The following LRP1B variants were observed in gnomAD, a reference collection of about 807,000 sequenced individuals.
LRP1B encodes low-density lipoprotein receptor-related protein 1B.
LRP1B carries 217 observed loss-of-function variants against 556.6 expected under a neutral mutation model. The ratio of observed to expected loss-of-function variants is 0.39; its 90% CI spans 0.35 to 0.44. The LOEUF (loss-of-function observed/expected upper bound fraction) is 0.44, where lower values mean the gene tolerates loss of function less well. Among genes scored for constraint, LRP1B ranks in the 20% least tolerant of loss-of-function variants. The pLI, the probability that LRP1B is intolerant of heterozygous loss-of-function variation, is 1.00. For missense variants in LRP1B, 5,053 were observed against 5,620.8 expected (o/e 0.90, Z 3.23); for synonymous variants, 2,047 against 1,865.8 (o/e 1.10, Z -2.50).
chr2:141,778,404 G>C (rs1195087872), intron 2 of LRP1B, among the ~76,000 whole-genome samples: 1 of 152,180 alleles, frequency 6.6e-6, no homozygotes, highest in African/African-American at 2.4e-5. Flanking sequence ...ACTCAAAATA[G>C]TCCTATTTAT....
chr2:140,734,729 C>T (rs182829364), intron 35 of LRP1B, among the ~76,000 whole-genome samples: 5 of 124,626 alleles, frequency 4.0e-5, no homozygotes, highest in African/African-American at 1.5e-4. Flanking sequence ...AGGCTGCTCT[C>T]AGCTAATGAC....
At chr2:140,843,339 C>T (rs1692179774) in intron 29 of LRP1B, among the ~76,000 whole-genome samples, 1 of 151,970 alleles carries the variant, frequency 6.6e-6, no homozygotes, top group African/African-American at 2.4e-5. Context: ...GCATTTCCTC[C>T]TCTAAGCAAT....
At chr2:141,048,290 G>A (rs1446437031) in intron 11 of LRP1B, among the ~76,000 whole-genome samples, 1 of 151,956 alleles carries the variant, frequency 6.6e-6, no homozygotes, top group Non-Finnish European at 1.5e-5. Flanking sequence ...GATCTGGTTT[G>A]ATTTATTATT....
chr2:141,310,752 TAGAA>T (rs1349346929), intron 3 of LRP1B, among the ~76,000 whole-genome samples: 2 of 152,136 alleles, frequency 1.3e-5, no homozygotes, highest in Admixed American at 6.5e-5. Flanking sequence ...CGATGCAAAT[TAGAA>T]AGAGATATAT....
At chr2:141,778,286 C>A (rs1000333860) in intron 2 of LRP1B, among the ~76,000 whole-genome samples, 18 of 152,178 alleles carry the variant, frequency 1.2e-4, no homozygotes, top group African/African-American at 3.9e-4. Flanking sequence ...TTCCTGAATT[C>A]TTAGACATAT....
intron 37 of LRP1B, among the ~76,000 whole-genome samples, chr2:140,713,757 C>G (rs1037695342): frequency 6.6e-6 from 1 of 152,026 alleles, no homozygotes; most frequent in African/African-American, 2.4e-5. Flanking sequence ...ATGGCTTTTG[C>G]TTTGTCACTA....
At chr2:141,859,824 G>A (rs892185415) in intron 1 of LRP1B, among the ~76,000 whole-genome samples, 2 of 152,052 alleles carry the variant, frequency 1.3e-5, no homozygotes, top group Non-Finnish European at 2.9e-5. Context: ...AAAAACAGTG[G>A]TGAGAAAAGG....
chr2:140,575,890 C>G (rs1323011883), intron 43 of LRP1B, among the ~76,000 whole-genome samples: 2 of 151,682 alleles, frequency 1.3e-5, no homozygotes, highest in Non-Finnish European at 2.9e-5. Context: ...CCACTGCACT[C>G]CAGCCTGGAG....
In LRP1B at chr2:140,639,072, C is replaced by T. The variant is rs577336268; in HGVS notation, c.6800-37433G>A. On this transcript the variant is annotated intron_variant, in intron 41 of 90. Transcript: ENST00000389484. ...GAAACATGTCATAAACTCTTTGAAG[C>T]GATATATTCTTGAGAGGCATTTTGG... 6.6e-5 allele frequency among the ~76,000 whole-genome samples: 10 copies of T among 152,086 alleles called. No homozygotes were observed. In the South Asian group the frequency reaches 1.5e-3, roughly 22 times the overall value.
At chr2:140,650,259 G>C (rs1477821769) in intron 41 of LRP1B, among the ~76,000 whole-genome samples, 2 of 151,444 alleles carry the variant, frequency 1.3e-5, no homozygotes, top group African/African-American at 2.4e-5. Flanking sequence ...AGAGAGGAAG[G>C]CAATTCAGCT....
chr2:141,462,292 G>T (rs1483565569), intron 3 of LRP1B, among the ~76,000 whole-genome samples: 1 of 152,128 alleles, frequency 6.6e-6, no homozygotes, highest in Admixed American at 6.5e-5. Context: ...AATTCCAACA[G>T]TACCTAAAGC....
chr2:140,587,585 G>A (rs571103293), intron 43 of LRP1B, among the ~76,000 whole-genome samples: 64 of 152,126 alleles, frequency 4.2e-4, no homozygotes, highest in African/African-American at 1.5e-3. Flanking sequence ...GATGGGATGG[G>A]GAATAAGATG....
chr2:142,039,911 T>C (rs2105212985), intron 1 of LRP1B, among the ~76,000 whole-genome samples: 1 of 151,110 alleles, frequency 6.6e-6, no homozygotes, highest in South Asian at 2.1e-4. Flanking sequence ...TTTTCATCAA[T>C]CAATTAAGCA....
At chr2:141,326,829 C>T (rs888179768) in intron 3 of LRP1B, among the ~76,000 whole-genome samples, 2 of 152,122 alleles carry the variant, frequency 1.3e-5, no homozygotes, top group Non-Finnish European at 1.5e-5. Context: ...ATCTGGAAAG[C>T]CCTGATAAAT....
intron 66 of LRP1B, among the ~76,000 whole-genome samples, chr2:140,409,889 T>A (rs1401543618): frequency 6.6e-6 from 1 of 152,076 alleles, no homozygotes; most frequent in African/African-American, 2.4e-5. Context: ...ACTTGCTTTC[T>A]TCTTTTATCA....
intron 1 of LRP1B, among the ~76,000 whole-genome samples, chr2:141,932,526 A>C (rs1700535565): frequency 6.6e-6 from 1 of 152,100 alleles, no homozygotes; most frequent in Admixed American, 6.6e-5. Flanking sequence ...AGACTCATAC[A>C]TAAAATATTT....
intron 3 of LRP1B, among the ~76,000 whole-genome samples, chr2:141,455,372 C>G (rs556061206): frequency 6.6e-6 from 1 of 152,126 alleles, no homozygotes; most frequent in Non-Finnish European, 1.5e-5. Flanking sequence ...CCAGAGGGCA[C>G]AGAATTCTCT....
At chr2:140,400,426 C>CT (rs1422476636) in intron 66 of LRP1B, among the ~76,000 whole-genome samples, 1 of 152,168 alleles carries the variant, frequency 6.6e-6, no homozygotes, top group Non-Finnish European at 1.5e-5. Flanking sequence ...AATGTACCCT[C>CT]TATTGGGTTT....
chr2:141,185,244 A>C (rs916420683), intron 7 of LRP1B, among the ~76,000 whole-genome samples: 1 of 152,104 alleles, frequency 6.6e-6, no homozygotes, highest in Non-Finnish European at 1.5e-5. Context: ...CCAAAGTCAC[A>C]CAGCTAGTAA....
Sources: gnomAD v4.1 joint callset for allele counts (sites outside exome capture counted in the v4.1 genomes callset) on GRCh38, gnomAD v4.1.1 for gene constraint, MANE v1.5 for transcripts, NCBI Gene and HGNC (gene_info 2026-07-23, HGNC 2026-07-21) for gene names.